The following URGCP variants were observed in gnomAD, a reference collection of about 807,000 sequenced individuals.
URGCP encodes the protein upregulator of cell proliferation.
A neutral mutation model predicts 24.6 loss-of-function variants in URGCP; 13 were observed. That is an observed-to-expected ratio of 0.53 (90% CI 0.34 to 0.84). The LOEUF is 0.84. Among genes scored for constraint, URGCP ranks in the 40% least tolerant of loss-of-function variants. The pLI is 0.01. For missense variants in URGCP, 899 were observed against 1,194.3 expected (o/e 0.75, Z 3.64); for synonymous variants, 444 against 487.2 (o/e 0.91, Z 1.17).
At position 43,876,630 on chromosome 7, in the gene URGCP, G is replaced by A; in HGVS notation, c.*37C>T. ...GCCCCATCAGACAGGGCTGCCCACAGCAGCCTCCTACACCTGAACTGGGTT... is the reference window on the plus strand; with the variant it reads ...GCCCCATCAGACAGGGCTGCCCACAACAGCCTCCTACACCTGAACTGGGTT... On this transcript the variant is annotated 3_prime_UTR_variant, in exon 6 of 6. Transcript: ENST00000453200. The A allele has an allele frequency of 6.3e-7, 1 of 1,592,446 alleles. No individual in the cohort carries two copies. The highest frequency in any genetic ancestry group is 1.7e-5 in the Admixed American group (1 of 58,730).
intron 3 of URGCP, among the ~76,000 whole-genome samples, chr7:43,884,593 A>G (rs1249408095): frequency 6.6e-6 from 1 of 152,142 alleles, no homozygotes; most frequent in Non-Finnish European, 1.5e-5. Flanking sequence ...ATTTGGGAGG[A>G]AAACGCAGGA....
chr7:43,887,576 C>G, intron 2 of URGCP, 91 bp from the exon 3 acceptor site: 1 of 1,525,374 alleles, frequency 6.6e-7, no homozygotes. Context: ...TCTTGGAGAG[C>G]TTTTAAAAAC....
At chr7:43,909,409 C>A (rs1259880778), upstream of URGCP, among the ~76,000 whole-genome samples, 1 of 152,164 alleles carries the variant, frequency 6.6e-6, no homozygotes, top group Non-Finnish European at 1.5e-5. Flanking sequence ...TTTTCAAAAT[C>A]ATTGCCAACT....
chr7:43,900,272 T>C (rs1322166890), intron 1 of URGCP, among the ~76,000 whole-genome samples: 4 of 150,884 alleles, frequency 2.7e-5, no homozygotes, highest in Admixed American at 2.0e-4. Context: ...CTGGGCAACA[T>C]TGTGAAACCC....
At chr7:43,919,444 TGGACAATGACCTCATA>T in intron 1 of URGCP, 1 of 939,342 alleles carries the variant, frequency 1.1e-6, no homozygotes, top group Non-Finnish European at 1.8e-6. Context: ...CCCAGCTACA[TGGACAATGACCTCATA>T]GGCCTCATCG....
chr7:43,881,319 G>C (rs1216817378), intron 5 of URGCP: 1 of 680,428 alleles, frequency 1.5e-6, no homozygotes, highest in Admixed American at 2.3e-5. Context: ...TTCCAAACCG[G>C]GCTGTACATT....
intron 3 of URGCP, among the ~76,000 whole-genome samples, chr7:43,885,637 T>C (rs929722716): frequency 7.9e-4 from 121 of 152,270 alleles, no homozygotes; most frequent in African/African-American, 2.8e-3. Context: ...TTGATAAGTA[T>C]CTTAGAGGTC....
In URGCP at chr7:43,876,458, T is replaced by G; in HGVS notation, c.*209A>C. 1 of 591,814 alleles carries G rather than the reference T, an allele frequency of 1.7e-6. No homozygotes were observed. The highest frequency in any genetic ancestry group is 3.0e-6 in the Non-Finnish European group (1 of 337,354). 36.7% of individuals were successfully genotyped at this position (591,814 alleles called of 1,614,324 possible). On this transcript the variant is annotated 3_prime_UTR_variant, in exon 6 of 6. Coordinates refer to ENST00000453200, the MANE Select transcript of URGCP (RefSeq NM_001077663.3). Reference sequence around the variant, plus strand: ...TCTCCCTACCCTGGGGGCTGTGATATTCTTGGTAACATCTCTGAGCTGGTC... The same window carrying G: ...TCTCCCTACCCTGGGGGCTGTGATAGTCTTGGTAACATCTCTGAGCTGGTC...
intron 1 of URGCP, among the ~76,000 whole-genome samples, chr7:43,900,469 C>CAAAAAAAAAAAAAAA (rs759728715): frequency 7.9e-5 from 9 of 114,458 alleles, no homozygotes; most frequent in Admixed American, 1.8e-4. Flanking sequence ...AAAACCAAAA[C>CAAAAAAAAAAAAAAA]AAAAAAAAAA....
chr7:43,899,301 T>A (rs1289755524), intron 1 of URGCP, among the ~76,000 whole-genome samples: 1 of 146,836 alleles, frequency 6.8e-6, no homozygotes, highest in Non-Finnish European at 1.5e-5. Flanking sequence ...TTTTTTTTTT[T>A]AAGAGATGAG....
At chr7:43,901,887 T>C (rs911976322) in intron 1 of URGCP, among the ~76,000 whole-genome samples, 50 of 152,218 alleles carry the variant, frequency 3.3e-4, no homozygotes, top group African/African-American at 1.2e-3. Context: ...CCAATGGATG[T>C]TAATGGGGGT....
At chr7:43,879,287 G>T in intron 5 of URGCP, 27 bp from the exon 6 acceptor site, 1 of 1,574,454 alleles carries the variant, frequency 6.4e-7, no homozygotes. Flanking sequence ...AGACATAAGT[G>T]CTCACCCTGT....
intron 5 of URGCP, 96 bp downstream of exon 5, chr7:43,881,563 C>G (rs1354817961): frequency 6.4e-7 from 1 of 1,557,934 alleles, no homozygotes; most frequent in African/African-American, 1.4e-5. Flanking sequence ...TGCTCTGCCT[C>G]CCCAGGTGAT....
At chr7:43,883,414 G>A (rs187569579) in intron 3 of URGCP, among the ~76,000 whole-genome samples, 2,287 of 140,906 alleles carry the variant, frequency 0.016, 49 homozygotes, top group African/African-American at 0.056. Flanking sequence ...AGACTGGAGC[G>A]CAGTGGCGCG....
rs554291157 is a variant in URGCP, at chr7:43,898,943, C to T, written c.14+7619G>A. Among the ~76,000 whole-genome samples, 102 of 149,164 alleles carry T rather than the reference C, an allele frequency of 6.8e-4. 1 individual carries two copies. The highest frequency in any genetic ancestry group is 2.7e-3 in the Admixed American group (41 of 14,990). On this transcript the variant is annotated intron_variant, in intron 1 of 5. Coordinates refer to ENST00000453200, the MANE Select transcript of URGCP (RefSeq NM_001077663.3). ...CTGAAGTCAGGAGTTCGAGACTAGC[C>T]TGGCCAACATGGTGAAACTGTTTCC...
At chr7:43,917,438 T>G (rs2095916728) in intron 1 of URGCP, among the ~76,000 whole-genome samples, 1 of 152,208 alleles carries the variant, frequency 6.6e-6, no homozygotes, top group African/African-American at 2.4e-5. Flanking sequence ...TGGCAAACTT[T>G]GCTGCAGGCC....
intron 1 of URGCP, among the ~76,000 whole-genome samples, chr7:43,895,745 A>C (rs2095877400): frequency 6.6e-6 from 1 of 152,246 alleles, no homozygotes; most frequent in Admixed American, 6.5e-5. Flanking sequence ...CACTGTGGGA[A>C]TGTAAGTTAG....
At chr7:43,898,842 TAA>T (rs35455149) in intron 1 of URGCP, among the ~76,000 whole-genome samples, 23 of 139,274 alleles carry the variant, frequency 1.7e-4, no homozygotes, top group African/African-American at 5.0e-4. Flanking sequence ...AGGAAAGAGT[TAA>T]AAAAAAAAAA....
At chr7:43,893,987 CAAAG>C (rs1342524580) in intron 1 of URGCP, among the ~76,000 whole-genome samples, 7 of 151,862 alleles carry the variant, frequency 4.6e-5, no homozygotes, top group African/African-American at 1.2e-4. Flanking sequence ...AAAACAAAGA[CAAAG>C]AAGGTCATTA....
Sources: gnomAD v4.1 joint callset for allele counts (sites outside exome capture counted in the v4.1 genomes callset) on GRCh38, gnomAD v4.1.1 for gene constraint, MANE v1.5 for transcripts, NCBI Gene and HGNC (gene_info 2026-07-23, HGNC 2026-07-21) for gene names.